Variants in SLC39A11 observed in about 807,000 individuals in gnomAD.
SLC39A11 encodes solute carrier family 39 member 11.
SLC39A11 carries 33 observed loss-of-function variants against 36.1 expected under a neutral mutation model. The observed-to-expected ratio is 0.91, with a 90% CI of 0.69 to 1.22. The LOEUF is 1.22. Among genes scored for constraint, SLC39A11 ranks in the 50% most tolerant of loss-of-function variants. SLC39A11 has a pLI of 0.00. For synonymous variants in SLC39A11, 166 were observed against 170.3 expected, an observed-to-expected ratio of 0.97 and a Z score of 0.20; for missense variants, 432 against 430.3, an observed-to-expected ratio of 1.00 and a Z score of -0.03.
intron 5 of SLC39A11, among the ~76,000 whole-genome samples, chr17:72,894,871 C>A (rs946988551): frequency 9.9e-5 from 15 of 152,038 alleles, no homozygotes; most frequent in African/African-American, 1.9e-4. Context: ...GTAGAAGATG[C>A]ACCCAGGGAT....
intron 3 of SLC39A11, among the ~76,000 whole-genome samples, chr17:73,055,483 G>A (rs2059635686): frequency 6.6e-6 from 1 of 151,480 alleles, no homozygotes; most frequent in Non-Finnish European, 1.5e-5. Flanking sequence ...CCAGGCTGGA[G>A]TGCAGTGGTA....
chr17:73,037,131 G>A (rs907143469), intron 3 of SLC39A11, among the ~76,000 whole-genome samples: 3 of 152,166 alleles, frequency 2.0e-5, no homozygotes, highest in African/African-American at 7.2e-5. Context: ...TTCACCTATT[G>A]AAGGACTTTT....
At chr17:72,918,020 G>A (rs1301948544) in intron 5 of SLC39A11, among the ~76,000 whole-genome samples, 2 of 152,192 alleles carry the variant, frequency 1.3e-5, no homozygotes, top group Non-Finnish European at 2.9e-5. Flanking sequence ...AAAGACCAGG[G>A]TGCAACCTAA....
At chr17:73,004,280 C>T (rs751604740) in intron 4 of SLC39A11, among the ~76,000 whole-genome samples, 1 of 151,858 alleles carries the variant, frequency 6.6e-6, no homozygotes, top group African/African-American at 2.4e-5. Context: ...ACAGGGCTTC[C>T]GCAACATTTA....
chr17:72,708,669 T>C (rs2072991241), intron 7 of SLC39A11, among the ~76,000 whole-genome samples: 1 of 152,212 alleles, frequency 6.6e-6, no homozygotes. Flanking sequence ...ACAATCTCTC[T>C]GCCCTTTCCA....
At chr17:72,647,959 A>G (rs1383952650) in intron 9 of SLC39A11, among the ~76,000 whole-genome samples, 1 of 152,138 alleles carries the variant, frequency 6.6e-6, no homozygotes, top group Non-Finnish European at 1.5e-5. Flanking sequence ...TGTGTGAGTA[A>G]TGAAGAGGGG....
chr17:72,695,426 CT>C (rs1274189987), intron 7 of SLC39A11, among the ~76,000 whole-genome samples: 1 of 152,232 alleles, frequency 6.6e-6, no homozygotes, highest in Non-Finnish European at 1.5e-5. Flanking sequence ...GCTGCACCCC[CT>C]GGGTGCTTCC....
intron 6 of SLC39A11, among the ~76,000 whole-genome samples, chr17:72,812,926 C>CAATGG (rs1568132625): frequency 6.7e-5 from 10 of 149,288 alleles, no homozygotes; most frequent in African/African-American, 2.6e-4. Context: ...CTACACAGTC[C>CAATGG]GATGAACAAG....
At chr17:72,775,176 T>G (rs775965323) in intron 6 of SLC39A11, among the ~76,000 whole-genome samples, 2 of 152,038 alleles carry the variant, frequency 1.3e-5, no homozygotes, top group African/African-American at 2.4e-5. Flanking sequence ...AGCTAACGTA[T>G]CACCTTCTTC....
chr17:72,767,252 T>C (rs1598636407), intron 6 of SLC39A11, among the ~76,000 whole-genome samples: 1 of 152,256 alleles, frequency 6.6e-6, no homozygotes, highest in African/African-American at 2.4e-5. Flanking sequence ...TTTGTTTTGC[T>C]GATTTTCTCA....
chr17:73,055,418 T>C (rs2059632811), intron 3 of SLC39A11, among the ~76,000 whole-genome samples: 1 of 151,836 alleles, frequency 6.6e-6, no homozygotes, highest in Non-Finnish European at 1.5e-5. Flanking sequence ...AAAGCCTAGC[T>C]TAGGAGTACA....
At chr17:72,829,089 C>G (rs1397892002) in intron 6 of SLC39A11, among the ~76,000 whole-genome samples, 1 of 152,118 alleles carries the variant, frequency 6.6e-6, no homozygotes, top group Non-Finnish European at 1.5e-5. Flanking sequence ...CGGCGGCTCA[C>G]ACCTGTAATC....
chr17:72,912,530 G>A (rs2083076405), intron 5 of SLC39A11, among the ~76,000 whole-genome samples: 1 of 150,760 alleles, frequency 6.6e-6, no homozygotes, highest in African/African-American at 2.5e-5. Flanking sequence ...GAATTCCTGG[G>A]CTCAAGTGAT....
chr17:73,066,221 A>T (rs1326086166), intron 3 of SLC39A11, among the ~76,000 whole-genome samples: 1 of 152,192 alleles, frequency 6.6e-6, no homozygotes, highest in Non-Finnish European at 1.5e-5. Flanking sequence ...GGAGAGGCCC[A>T]GGCAAAAGGC....
intron 2 of SLC39A11, 98 bp downstream of exon 2, chr17:73,088,559 G>T: frequency 1.1e-6 from 1 of 874,902 alleles, no homozygotes; most frequent in Non-Finnish European, 1.9e-6. Context: ...GTGGCCAGGG[G>T]CACTGAAAAG....
intron 6 of SLC39A11, among the ~76,000 whole-genome samples, chr17:72,777,529 A>G (rs1489156929): frequency 1.3e-5 from 2 of 152,318 alleles, no homozygotes; most frequent in Non-Finnish European, 2.9e-5. Flanking sequence ...ACATACAGAT[A>G]CAGAGGGGAG....
chr17:72,770,826 G>T (rs913983009), intron 6 of SLC39A11, among the ~76,000 whole-genome samples: 4 of 152,210 alleles, frequency 2.6e-5, no homozygotes, highest in African/African-American at 9.6e-5. Context: ...ACAGTTGACA[G>T]CCCATGTTAG....
In SLC39A11 at chr17:72,836,488, G is replaced by A. The variant is rs1347505821; in HGVS notation, c.601+13146C>T. On this transcript the variant is annotated intron_variant, in intron 6 of 9. Transcript: ENST00000255559. ...CCCGAGTAGCTGTGACTGCAATCAC[G>A]CGCCACCATACCCCACTAATTTTTG... is the stretch of plus-strand genomic sequence containing the variant. Among the ~76,000 whole-genome samples, 4 of 151,956 alleles carry A rather than the reference G, an allele frequency of 2.6e-5. 1 individual carries two copies. Among genetic ancestry groups the A allele is most frequent in the South Asian group, 4.2e-4 (2 of 4,814 alleles).
chr17:72,701,382 G>C (rs1045494240), intron 7 of SLC39A11, among the ~76,000 whole-genome samples: 1 of 152,162 alleles, frequency 6.6e-6, no homozygotes, highest in Non-Finnish European at 1.5e-5. Context: ...AAGCAGGAAG[G>C]CTGTGGGGCC....
Sources: allele counts gnomAD v4.1 joint callset (sites outside exome capture counted in the v4.1 genomes callset), GRCh38; gene constraint gnomAD v4.1.1; transcripts MANE v1.5; gene names NCBI Gene and HGNC (gene_info 2026-07-23, HGNC 2026-07-21).